The following CFAP73 variants were observed in gnomAD, a reference collection of about 807,000 sequenced individuals.
CFAP73 encodes the protein cilia and flagella associated protein 73.
In CFAP73, 33 loss-of-function variants were observed where a neutral mutation model predicts 42.9. The ratio of observed to expected loss-of-function variants is 0.77; its 90% confidence interval spans 0.58 to 1.03. The LOEUF (loss-of-function observed/expected upper bound fraction) is 1.03. CFAP73 is among the 50% of genes least tolerant of loss of function. The probability of loss-of-function intolerance (pLI) is 0.00; values close to 1 mark genes in which losing one functional copy is unlikely to be tolerated. For missense variants in CFAP73, 392 were observed against 411.9 expected (o/e 0.95, Z 0.42); for synonymous variants, 162 against 186.8 (o/e 0.87, Z 1.08).
chr12:113,157,572 G>A lies in CFAP73; in HGVS notation c.850-30G>A, dbSNP rs575422183. 21 of 1,546,244 alleles carry A rather than the reference G, an allele frequency of 1.4e-5. No homozygotes were observed. The African/African-American group carries it at 2.5e-4, about 18-fold the overall frequency. ...GGGGCTGGACAGTGACTCTGGGGCT[G>A]GGATGTGACTTCGTGCTGGGCCCCC... On this transcript the variant is annotated intron_variant, in intron 6 of 7. Transcript: ENST00000335621.
At chr12:113,151,884 C>T (rs1592988919) in intron 1 of CFAP73, 34 bp from the exon 2 acceptor site, 1 of 1,461,634 alleles carries the variant, frequency 6.8e-7, no homozygotes, top group Non-Finnish European at 9.4e-7. Context: ...AAACATGCTT[C>T]CTTCACCCCC....
chr12:113,157,322 T>G, intron 6 of CFAP73: 1 of 474,192 alleles, frequency 2.1e-6, no homozygotes, highest in African/African-American at 1.9e-5. Flanking sequence ...AGCTGATTGA[T>G]GTAAATGAAA....
In CFAP73 at chr12:113,155,541, C is replaced by T; in HGVS notation, c.849+123C>T. ...AAGCATGGCCCTCTACGGTCAGAGC[C>T]CTTGCCCCAGCCGTGGCTCGATTGT... On this transcript the variant is annotated intron_variant, in intron 6 of 7. Transcript: ENST00000335621. 3.7e-6 allele frequency: 4 copies of T among 1,092,732 alleles called. 1 individual carries two copies. In the South Asian group the frequency reaches 7.9e-5, roughly 21 times the overall value. The allele number at this position is 1,092,732 out of a possible 1,614,324, so 67.7% of individuals were successfully genotyped here.
chr12:113,152,761 A>G (rs977066136), intron 2 of CFAP73, 22 bp from the exon 3 acceptor site: 38 of 1,536,722 alleles, frequency 2.5e-5, no homozygotes, highest in Non-Finnish European at 3.4e-5. Context: ...ACCCACACAG[A>G]CAACCCACTC....
At chr12:113,153,548 G>C in intron 4 of CFAP73, 140 bp downstream of exon 4, 3 of 698,496 alleles carry the variant, frequency 4.3e-6, no homozygotes, top group African/African-American at 1.9e-5. Flanking sequence ...ATCACTTATG[G>C]AGCGCTCACT....
chr12:113,158,454 A>G lies in CFAP73; in HGVS notation c.*12-247A>G. ...GGGATTTTAGTACCTGGGTCTCTCC[A>G]TTCCAGTTCCCCAAGTAGACCGCAC... On this transcript the variant is annotated intron_variant, in intron 7 of 7. Coordinates refer to ENST00000335621, the MANE Select transcript of CFAP73 (RefSeq NM_001144872.3). This position sits in a 1 kb window ranked among gnomAD's most constrained non-coding sequence, Gnocchi z 4.9. 1 of 160,918 alleles carries G rather than the reference A, an allele frequency of 6.2e-6. No homozygotes were observed. Among genetic ancestry groups the G allele is most frequent in the Non-Finnish European group, 1.3e-5 (1 of 74,274 alleles). The allele number at this position is 160,918 out of a possible 1,614,324, so 10.0% of individuals were successfully genotyped here.
At chr12:113,155,149 G>A (rs547774711) in intron 5 of CFAP73, 111 bp from the exon 6 acceptor site, 26 of 981,746 alleles carry the variant, frequency 2.6e-5, no homozygotes, top group East Asian at 2.4e-4. Context: ...CAGCCTGGGC[G>A]ACAAAGCTAG....
In CFAP73 at chr12:113,154,676, C is replaced by T; in HGVS notation, c.690+41C>T. 7.3e-7 allele frequency: 1 copy of T among 1,378,698 alleles called. No homozygotes were observed. Among genetic ancestry groups the T allele is most frequent in the Non-Finnish European group, 9.3e-7 (1 of 1,075,178 alleles). 85.4% of individuals were successfully genotyped at this position (1,378,698 alleles called of 1,614,324 possible). A position where few individuals can be genotyped will look rare whatever the true frequency, so the allele number is the denominator to read the frequency against. On this transcript the variant is annotated intron_variant, in intron 5 of 7. Transcript: ENST00000335621. The surrounding 1 kb of genome is among the most constrained non-coding windows in gnomAD (Gnocchi z 4.7). ...GGTGGGGGGCGCTCCGGACCCCAGG[C>T]TTCCACAGCCGGGCGGGGAGGAACG...
chr12:113,155,883 G>A (rs1262149766), intron 6 of CFAP73, among the ~76,000 whole-genome samples: 3 of 151,944 alleles, frequency 2.0e-5, no homozygotes, highest in Admixed American at 1.3e-4. Flanking sequence ...CAGGGAGGGT[G>A]AGGGTGGGGT....
rs145895826 is a variant in CFAP73 at position 113,157,363 on chromosome 12, C to T, written c.850-239C>T. 92 of 572,382 alleles carry T rather than the reference C, an allele frequency of 1.6e-4. 1 individual carries two copies. The East Asian group carries it at 2.1e-3, about 13-fold the overall frequency. The allele number at this position is 572,382 out of a possible 1,614,324, so 35.5% of individuals were successfully genotyped here. ...AATTGGATAGTGCAGGTGACAGCAG[C>T]GAGGAAGCTGTGAAGGTGTCTGCTC... On this transcript the variant is annotated intron_variant, in intron 6 of 7. Transcript: ENST00000335621.
rs1411808769 is a variant in CFAP73, at chr12:113,154,551, G to C, written c.606G>C (p.Trp202Cys). 6.8e-7 allele frequency: 1 copy of C among 1,469,330 alleles called. No individual in the cohort carries two copies. The highest frequency in any genetic ancestry group is 1.4e-5 in the South Asian group (1 of 72,958). The allele number at this position is 1,469,330 out of a possible 1,614,324, so 91.0% of individuals were successfully genotyped here. A position where few individuals can be genotyped will look rare whatever the true frequency, so the allele number is the denominator to read the frequency against. The change falls in exon 5 of 8, where the codon TGG becomes TGC. Residue 202 changes from tryptophan to cysteine, a missense_variant. Coordinates refer to ENST00000335621, the MANE Select transcript of CFAP73 (RefSeq NM_001144872.3). This position sits in a 1 kb window ranked among gnomAD's most constrained non-coding sequence, Gnocchi z 4.7. Reference protein sequence around the residue: ...RARLQQLRDAWPDEVLAQGQR... With the variant: ...RARLQQLRDACPDEVLAQGQR... ...GGCTGCAGCAGCTGCGGGACGCCTG[G>C]CCGGACGAGGTGCTCGCACAGGGCC...
At chr12:113,152,661 G>A (rs1952074022) in intron 2 of CFAP73, 122 bp from the exon 3 acceptor site, 1 of 669,930 alleles carries the variant, frequency 1.5e-6, no homozygotes, top group Admixed American at 2.5e-5. Flanking sequence ...AGCCCCGGAT[G>A]GGTTGAGCAG....
intron 1 of CFAP73, 120 bp downstream of exon 1, chr12:113,150,033 T>C: frequency 1.0e-5 from 9 of 903,826 alleles, no homozygotes; most frequent in Non-Finnish European, 1.4e-5. Context: ...GGGGTTATTG[T>C]CCCCACTTCA....
chr12:113,155,213 G>A (rs780539152), intron 5 of CFAP73, 47 bp from the exon 6 acceptor site: 11 of 1,447,136 alleles, frequency 7.6e-6, no homozygotes, highest in East Asian at 2.6e-5. Flanking sequence ...GGGGCAGCCC[G>A]CCTTGGCCCA....
intron 6 of CFAP73, 174 bp from the exon 7 acceptor site, chr12:113,157,428 C>G: frequency 1.6e-6 from 1 of 615,112 alleles, no homozygotes; most frequent in Non-Finnish European, 2.9e-6. Flanking sequence ...CTTTCAAAAC[C>G]CAGAACGGTT....
chr12:113,153,032 C>T, intron 3 of CFAP73, 145 bp downstream of exon 3: 1 of 776,332 alleles, frequency 1.3e-6, no homozygotes, highest in Non-Finnish European at 2.0e-6. Flanking sequence ...CTGCCTGAAG[C>T]AACCGATTAA....
Position 113,153,217 on chromosome 12 carries a change from G to A in CFAP73, c.277G>A (p.Ala93Thr), listed in dbSNP as rs527769844. 1.1e-4 allele frequency: 161 copies of A among 1,518,412 alleles called. No individual in the cohort carries two copies. In the African/African-American group the frequency reaches 1.9e-3, roughly 18 times the overall value. 94.1% of individuals were successfully genotyped at this position (1,518,412 alleles called of 1,614,324 possible). A position where few individuals can be genotyped will look rare whatever the true frequency, so the allele number is the denominator to read the frequency against. The change falls in exon 4 of 8, where the codon GCC becomes ACC. Residue 93 changes from alanine to threonine, a missense_variant. Physicochemically the swap from Ala to Thr is moderately conservative, Grantham distance 58. Transcript: ENST00000335621. ...RFDKFLQDSE[A>T]RRNRALRRAA... ...CCACCGTACTCCCCAGGACTCCGAG[G>A]CCCGGCGCAATCGCGCGCTGCGGAG...
rs1952165363 is a variant in CFAP73 at position 113,158,591 on chromosome 12, C to T, written c.*12-110C>T. ...GCAGCCATGACCTCTGAACCCAGAA[C>T]ACATGGAAGCAGCAGCAGCTGAGTT... On this transcript the variant is annotated intron_variant, in intron 7 of 7. Transcript: ENST00000335621. This position sits in a 1 kb window ranked among gnomAD's most constrained non-coding sequence, Gnocchi z 4.9. 3 of 420,556 alleles carry T rather than the reference C, an allele frequency of 7.1e-6. No individual in the cohort carries two copies. Among genetic ancestry groups the T allele is most frequent in the Non-Finnish European group, 1.3e-5 (3 of 237,674 alleles). The allele number at this position is 420,556 out of a possible 1,614,324, so 26.1% of individuals were successfully genotyped here.
Position 113,154,364 on chromosome 12 carries a change from G to A in CFAP73, c.469-50G>A. On this transcript the variant is annotated intron_variant, in intron 4 of 7. Coordinates refer to ENST00000335621, the MANE Select transcript of CFAP73 (RefSeq NM_001144872.3). This position sits in a 1 kb window ranked among gnomAD's most constrained non-coding sequence, Gnocchi z 4.7. Reference sequence around the variant, plus strand: ...GCTGGCGGCCAGGTGGGATGGAGAGGGTAAGGCACTGCAGGCCCATGTGAG... The same window carrying A: ...GCTGGCGGCCAGGTGGGATGGAGAGAGTAAGGCACTGCAGGCCCATGTGAG... 2 of 1,539,772 alleles carry A rather than the reference G, an allele frequency of 1.3e-6. No homozygotes were observed. Among genetic ancestry groups the A allele is most frequent in the Non-Finnish European group, 1.8e-6 (2 of 1,139,596 alleles).
Sources: gnomAD v4.1 joint callset for allele counts (sites outside exome capture counted in the v4.1 genomes callset) on GRCh38, gnomAD v4.1.1 for gene constraint, Gnocchi (gnomAD v3.1) non-coding constraint, MANE v1.5 for transcripts, NCBI Gene and HGNC (gene_info 2026-07-23, HGNC 2026-07-21) for gene names.